Variants in ZFHX4 observed in about 807,000 individuals in gnomAD.
The protein encoded by ZFHX4 is zinc finger homeobox 4, also known as zinc finger homeobox protein 4.
A neutral mutation model predicts 267.6 loss-of-function variants in ZFHX4; 56 were observed. That is an observed-to-expected ratio of 0.21 (90% CI 0.17 to 0.26). The LOEUF (loss-of-function observed/expected upper bound fraction) is 0.26, where lower values mean the gene tolerates loss of function less well. ZFHX4 is among the 10% of genes least tolerant of loss of function. The probability of loss-of-function intolerance (pLI) is 1.00; values close to 1 mark genes in which losing one functional copy is unlikely to be tolerated. For synonymous variants in ZFHX4, 1,778 were observed against 1,665.6 expected, an observed-to-expected ratio of 1.07 and a Z score of -1.64; for missense variants, 4,332 against 4,420.0, an observed-to-expected ratio of 0.98 and a Z score of 0.56.
intron 4 of ZFHX4, among the ~76,000 whole-genome samples, chr8:76,818,639 C>G (rs1811566235): frequency 6.6e-6 from 1 of 151,956 alleles, no homozygotes; most frequent in Non-Finnish European, 1.5e-5. Flanking sequence ...AGAACAGTCA[C>G]GGTGGCTCAC....
chr8:76,789,411 G>A lies in ZFHX4; in HGVS notation c.3325+10972G>A, dbSNP rs1810776754. 2.0e-5 allele frequency among the ~76,000 whole-genome samples: 3 copies of A among 152,142 alleles called. No individual in the cohort carries two copies. In the South Asian group the frequency reaches 6.2e-4, roughly 31 times the overall value. On this transcript the variant is annotated intron_variant, in intron 4 of 10. Transcript: ENST00000651372. Reference sequence around the variant, plus strand: ...GTTGTGCAAAAACAATATTTTGTCAGGAAATAAATATGTGCATATCACGGT... The same window carrying A: ...GTTGTGCAAAAACAATATTTTGTCAAGAAATAAATATGTGCATATCACGGT...
At chr8:76,738,953 G>C (rs750581336) in intron 3 of ZFHX4, among the ~76,000 whole-genome samples, 1 of 152,000 alleles carries the variant, frequency 6.6e-6, no homozygotes, top group Non-Finnish European at 1.5e-5. Flanking sequence ...GGGCTCAAGC[G>C]ATTCACCTGC....
intron 3 of ZFHX4, among the ~76,000 whole-genome samples, chr8:76,745,261 T>C (rs1420796099): frequency 6.6e-6 from 1 of 152,122 alleles, no homozygotes; most frequent in Non-Finnish European, 1.5e-5. Context: ...GACTTTCAAT[T>C]AGAGGGGAAA....
intron 5 of ZFHX4, among the ~76,000 whole-genome samples, chr8:76,842,176 A>C (rs150519536): frequency 3.3e-5 from 5 of 152,298 alleles, no homozygotes; most frequent in African/African-American, 1.2e-4. Context: ...AAAATGCCAA[A>C]GAATTCCTTT....
chr8:76,698,758 T>C (rs1409057332), intron 1 of ZFHX4, among the ~76,000 whole-genome samples: 1 of 152,158 alleles, frequency 6.6e-6, no homozygotes, highest in East Asian at 1.9e-4. Context: ...TTTTCTCTAC[T>C]TAAAAAATGT....
chr8:76,853,820 C>T lies in ZFHX4; in HGVS notation c.6899C>T (p.Thr2300Ile), dbSNP rs374815242. 1.9e-5 allele frequency: 30 copies of T among 1,613,732 alleles called. No individual in the cohort carries two copies. Among genetic ancestry groups the T allele is most frequent in the Non-Finnish European group, 2.3e-5 (27 of 1,179,856 alleles). ...ETKDNEKREL[T>I]NERYIRTSNM... ...AAAGATAATGAAAAAAGAGAACTCACTAATGAACGGTACATTCGAACAAGC... is the reference window on the plus strand; with the variant it reads ...AAAGATAATGAAAAAAGAGAACTCATTAATGAACGGTACATTCGAACAAGC... The change falls in exon 10 of 11, where the codon ACT becomes ATT. Residue 2300 changes from threonine (T) to isoleucine (I), a missense_variant. Coordinates refer to ENST00000651372, the MANE Select transcript of ZFHX4 (RefSeq NM_024721.5).
At chr8:76,723,044 T>G (rs1315723526) in intron 3 of ZFHX4, among the ~76,000 whole-genome samples, 1 of 152,096 alleles carries the variant, frequency 6.6e-6, no homozygotes, top group Middle Eastern at 3.2e-3. Context: ...ATTTGTGTAT[T>G]CTTTTATGTT....
intron 1 of ZFHX4, among the ~76,000 whole-genome samples, chr8:76,694,267 A>G (rs1201220519): frequency 6.6e-6 from 1 of 152,232 alleles, no homozygotes; most frequent in Non-Finnish European, 1.5e-5. Context: ...ACATTTAATC[A>G]TAGTTTGGAA....
chr8:76,687,428 G>A (rs1563459808), intron 1 of ZFHX4, among the ~76,000 whole-genome samples: 1 of 152,154 alleles, frequency 6.6e-6, no homozygotes, highest in Non-Finnish European at 1.5e-5. Flanking sequence ...TTGTTACTAG[G>A]CTGTTACTGA....
At chr8:76,694,425 T>A (rs1211905548) in intron 1 of ZFHX4, among the ~76,000 whole-genome samples, 1 of 152,180 alleles carries the variant, frequency 6.6e-6, no homozygotes, top group Non-Finnish European at 1.5e-5. Context: ...TGCTACCCTG[T>A]GATAAAGACA....
intron 1 of ZFHX4, among the ~76,000 whole-genome samples, chr8:76,682,235 C>T (rs957071452): frequency 9.9e-5 from 15 of 152,218 alleles, no homozygotes; most frequent in African/African-American, 3.1e-4. Context: ...CTGCTTTACC[C>T]TCCACCCCCC....
chr8:76,813,208 G>A (rs969705378), intron 4 of ZFHX4, among the ~76,000 whole-genome samples: 5 of 152,062 alleles, frequency 3.3e-5, no homozygotes, highest in Non-Finnish European at 4.4e-5. Context: ...CTTAGCAAAC[G>A]ATTTGAAATA....
chr8:76,706,390 C>A lies in ZFHX4; in HGVS notation c.2302C>A (p.Arg768=), dbSNP rs766137522. ...CAAACCCAAACAGAAACCCACCTGG[C>A]GGTGTGAAGTTTGTGATTATGAAAC... The part of the protein sequence containing the change: ...PSKPKQKPTW[R]CEVCDYETNV... The change falls in exon 2 of 11, where the codon CGG becomes AGG. Residue 768 remains arginine, a synonymous_variant. Transcript: ENST00000651372. The A allele has an allele frequency of 6.2e-6, 10 of 1,614,110 alleles. No homozygotes were observed. The highest frequency in any genetic ancestry group is 8.5e-6 in the Non-Finnish European group (10 of 1,179,988).
At chr8:76,686,163 T>A (rs1807687782) in intron 1 of ZFHX4, among the ~76,000 whole-genome samples, 1 of 152,178 alleles carries the variant, frequency 6.6e-6, no homozygotes, top group Non-Finnish European at 1.5e-5. Context: ...GATAGAACAT[T>A]TTTTCCATTC....
intron 4 of ZFHX4, among the ~76,000 whole-genome samples, chr8:76,831,806 C>A (rs1811940102): frequency 6.6e-6 from 1 of 151,988 alleles, no homozygotes; most frequent in Non-Finnish European, 1.5e-5. Flanking sequence ...AAAAGGTATT[C>A]AAAGTCAAAA....
rs752245333 is a variant in ZFHX4, at chr8:76,851,873, A to G, written c.4952A>G (p.Asp1651Gly). Residue 1651 changes from aspartate to glycine, a missense_variant, in exon 10 of 11, where the codon GAT (aspartate) becomes GGT (glycine). By Grantham distance (94) the Asp-to-Gly change is moderately conservative (BLOSUM62 -1). Coordinates refer to ENST00000651372, the MANE Select transcript of ZFHX4 (RefSeq NM_024721.5). Reference protein sequence around the residue: ...NVNSPGQGMLDSMSLAAVNSK... With the variant: ...NVNSPGQGMLGSMSLAAVNSK... ...AACAGCCCTGGCCAGGGGATGTTAGATTCCATGAGTTTAGCAGCTGTAAAC... is the reference window on the plus strand; with the variant it reads ...AACAGCCCTGGCCAGGGGATGTTAGGTTCCATGAGTTTAGCAGCTGTAAAC... 1.1e-4 allele frequency: 178 copies of G among 1,613,860 alleles called. No individual in the cohort carries two copies. Among genetic ancestry groups the G allele is most frequent in the Non-Finnish European group, 1.4e-4 (164 of 1,179,886 alleles).
At chr8:76,738,009 C>G (rs1018628054) in intron 3 of ZFHX4, among the ~76,000 whole-genome samples, 8 of 152,116 alleles carry the variant, frequency 5.3e-5, no homozygotes, top group African/African-American at 1.7e-4. Context: ...ATAAAGAGAA[C>G]AAATATTTTT....
intron 1 of ZFHX4, among the ~76,000 whole-genome samples, chr8:76,697,508 T>G (rs994977492): frequency 2.0e-5 from 3 of 152,032 alleles, no homozygotes; most frequent in African/African-American, 7.2e-5. Flanking sequence ...CAATATAACA[T>G]ATGAAAAACA....
chr8:76,853,044 T>TCCCCCCC lies in ZFHX4; in HGVS notation c.6125_6126insCCCCCCC (p.Pro2045SerfsTer97). 1 of 1,120,332 alleles carries TCCCCCCC rather than the reference T, an allele frequency of 8.9e-7. No homozygotes were observed. 69.4% of individuals were successfully genotyped at this position (1,120,332 alleles called of 1,614,324 possible). On this transcript the variant is annotated frameshift_variant, in exon 10 of 11. Transcript: ENST00000651372. LOFTEE classifies it high-confidence loss of function. ...CTCCTCTGCAAGCTCCACCACCCAC[T>TCCCCCCC]CCTCCCCCACCACCACCACCTCCTC...
Sources: gnomAD v4.1 joint callset for allele counts (sites outside exome capture counted in the v4.1 genomes callset) on GRCh38, gnomAD v4.1.1 for gene constraint, MANE v1.5 for transcripts, NCBI Gene and HGNC (gene_info 2026-07-23, HGNC 2026-07-21) for gene names.